ZNF469: variants seen among roughly 807,000 people sequenced by gnomAD.
ZNF469 encodes the protein zinc finger protein 469.
ZNF469 carries 1 observed loss-of-function variant against 1.0 expected under a neutral mutation model. The observed-to-expected ratio is 1.00, with a 90% confidence interval of 0.35 to 4.73. The LOEUF (loss-of-function observed/expected upper bound fraction) is 4.73. ZNF469 is among the 30% of genes most tolerant of loss of function. The pLI, the probability that ZNF469 is intolerant of heterozygous loss-of-function variation, is 0.16. For missense variants in ZNF469, 6,100 were observed against 5,356.3 expected (o/e 1.14, Z -4.33); for synonymous variants, 2,703 against 2,363.4 (o/e 1.14, Z -4.17).
the ZNF469 span, among the ~76,000 whole-genome samples, chr16:88,125,960 G>A: frequency 5.3e-5 from 8 of 151,906 alleles, no homozygotes; most frequent in South Asian, 1.2e-3. Flanking sequence ...AGGCCAATGC[G>A]GGTGGATTGC....
chr16:88,151,129 G>T, the ZNF469 span, among the ~76,000 whole-genome samples: 165 of 152,344 alleles, frequency 1.1e-3, 1 homozygote, highest in Non-Finnish European at 1.3e-3. This position sits in a 1 kb window ranked among gnomAD's most constrained non-coding sequence, Gnocchi z 5.4. Flanking sequence ...TCCTCTGCCG[G>T]CTCAACCCAA....
chr16:88,405,523 AT>A (rs1905003811), intron 1 of ZNF469, among the ~76,000 whole-genome samples: 1 of 152,070 alleles, frequency 6.6e-6, no homozygotes, highest in Non-Finnish European at 1.5e-5. Flanking sequence ...CAACTGAGGC[AT>A]TTGCATCAGG....
the ZNF469 span, among the ~76,000 whole-genome samples, chr16:88,137,878 C>T: frequency 6.6e-6 from 1 of 152,180 alleles, no homozygotes; most frequent in Non-Finnish European, 1.5e-5. Context: ...GAGACCATGG[C>T]TAGCCCAGGG....
the ZNF469 span, among the ~76,000 whole-genome samples, chr16:88,232,246 A>G: frequency 6.6e-6 from 1 of 152,230 alleles, no homozygotes; most frequent in African/African-American, 2.4e-5. Context: ...TGAGGGCAGG[A>G]TGAAAGGATT....
the ZNF469 span, among the ~76,000 whole-genome samples, chr16:88,174,472 G>GCCTGTCTATCTA: frequency 7.0e-3 from 788 of 112,078 alleles, 4 homozygotes; most frequent in East Asian, 0.027. Context: ...TCGTCTGTCT[G>GCCTGTCTATCTA]TCTGTCTATC....
At chr16:88,310,366 A>G in the ZNF469 span, among the ~76,000 whole-genome samples, 1 of 152,118 alleles carries the variant, frequency 6.6e-6, no homozygotes, top group Non-Finnish European at 1.5e-5. Context: ...TAGGGTGGCC[A>G]TGAAAGGCAG....
intron 1 of ZNF469, among the ~76,000 whole-genome samples, chr16:88,405,014 C>T (rs1038910784): frequency 1.6e-4 from 24 of 152,132 alleles, no homozygotes; most frequent in African/African-American, 5.8e-4. Context: ...GCATGAGGAT[C>T]CAGTCTAACA....
chr16:88,357,018 G>A, the ZNF469 span, among the ~76,000 whole-genome samples: 35 of 152,370 alleles, frequency 2.3e-4, no homozygotes, highest in African/African-American at 7.0e-4. Flanking sequence ...TTGTGGGGGA[G>A]CTGCAGGGTG....
the ZNF469 span, among the ~76,000 whole-genome samples, chr16:88,269,650 C>T: frequency 2.6e-5 from 4 of 152,198 alleles, no homozygotes; most frequent in East Asian, 1.9e-4. Flanking sequence ...CTTACCGGGA[C>T]GCTTGTTTAA....
chr16:88,398,683 CCACAGGTGGAAAGGGCATGTG>C (rs1904769317), intron 1 of ZNF469, among the ~76,000 whole-genome samples: 3 of 84,882 alleles, frequency 3.5e-5, no homozygotes, highest in African/African-American at 2.0e-4. Flanking sequence ...GACACGTGAG[CCACAGGTGGAAAGGGCATGTG>C]AGCCACAAAT....
chr16:88,264,897 G>A, the ZNF469 span, among the ~76,000 whole-genome samples: 2 of 152,154 alleles, frequency 1.3e-5, no homozygotes, highest in Admixed American at 1.3e-4. Flanking sequence ...GCTCCTGAGG[G>A]TGACCGTGGC....
At chr16:88,180,241 A>G in the ZNF469 span, among the ~76,000 whole-genome samples, 5 of 152,234 alleles carry the variant, frequency 3.3e-5, no homozygotes, top group Non-Finnish European at 7.3e-5. Context: ...CAACTTCCCA[A>G]TAAAAATATC....
At chr16:88,134,562 G>T in the ZNF469 span, among the ~76,000 whole-genome samples, 5 of 152,230 alleles carry the variant, frequency 3.3e-5, no homozygotes, top group Non-Finnish European at 5.9e-5. Context: ...GTAAGTTCCT[G>T]GAGGTGGAAT....
the ZNF469 span, among the ~76,000 whole-genome samples, chr16:88,255,245 C>G: frequency 6.6e-6 from 1 of 152,178 alleles, no homozygotes; most frequent in East Asian, 1.9e-4. Context: ...ATTCCTCAAA[C>G]ATTTATCAAG....
the ZNF469 span, among the ~76,000 whole-genome samples, chr16:88,116,574 G>A: frequency 6.6e-6 from 1 of 152,344 alleles, no homozygotes; most frequent in African/African-American, 2.4e-5. Flanking sequence ...GTAACAGGCA[G>A]AACGTGGAGA....
At chr16:88,282,178 G>A in the ZNF469 span, among the ~76,000 whole-genome samples, 2 of 152,170 alleles carry the variant, frequency 1.3e-5, no homozygotes, top group African/African-American at 4.8e-5. Context: ...ACACCTTTGG[G>A]CAGGAAACAC....
chr16:88,436,779 C>T lies in ZNF469; in HGVS notation c.9309C>T (p.Gly3103=). The T allele has an allele frequency of 6.5e-7, 1 of 1,545,602 alleles. No homozygotes were observed. The highest frequency in any genetic ancestry group is 8.7e-7 in the Non-Finnish European group (1 of 1,146,232). The change falls in exon 3 of 3, where the codon GGC becomes GGT. Residue 3103 remains glycine (G), a synonymous_variant. Coordinates refer to ENST00000565624, the MANE Select transcript of ZNF469 (RefSeq NM_001367624.2). ...EEAAGAGRAQ[G]RGRPAKGRRA... ...CTGCAGGGGCAGGGAGGGCCCAAGG[C>T]AGAGGCCGGCCGGCCAAGGGCAGGC... is the stretch of plus-strand genomic sequence containing the variant.
intron 1 of ZNF469, among the ~76,000 whole-genome samples, chr16:88,390,930 C>T (rs1040477646): frequency 2.6e-5 from 4 of 152,238 alleles, no homozygotes; most frequent in Admixed American, 2.6e-4. Context: ...AAACCTCTGG[C>T]AGCTCATGGT....
chr16:88,176,245 T>G, the ZNF469 span, among the ~76,000 whole-genome samples: 1 of 150,072 alleles, frequency 6.7e-6, no homozygotes, highest in East Asian at 1.9e-4. Context: ...CTGTCCATCA[T>G]CACGCAGGGC....
Sources: gnomAD v4.1 joint callset for allele counts (sites outside exome capture counted in the v4.1 genomes callset) on GRCh38, gnomAD v4.1.1 for gene constraint, Gnocchi (gnomAD v3.1) non-coding constraint, MANE v1.5 for transcripts, NCBI Gene and HGNC (gene_info 2026-07-23, HGNC 2026-07-21) for gene names.